Variants in PTPRK observed in about 807,000 individuals in gnomAD.
PTPRK encodes protein tyrosine phosphatase receptor type K.
In PTPRK, 75 loss-of-function variants were observed where a neutral mutation model predicts 178.0. That is an observed-to-expected ratio of 0.42 (90% CI 0.35 to 0.51). The LOEUF is 0.51. PTPRK is among the 20% of genes least tolerant of loss of function. The pLI, the probability that PTPRK is intolerant of heterozygous loss-of-function variation, is 0.02. For synonymous variants in PTPRK, 637 were observed against 620.6 expected (o/e 1.03, Z -0.39); for missense variants, 1,441 against 1,797.8 (o/e 0.80, Z 3.59).
intron 5 of PTPRK, among the ~76,000 whole-genome samples, chr6:128,232,349 T>G (rs544733969): frequency 5.3e-5 from 8 of 152,320 alleles, no homozygotes; most frequent in Non-Finnish European, 1.0e-4. Flanking sequence ...TATACAGACT[T>G]CCCATACACA....
At chr6:128,065,730 A>G (rs1781639798) in intron 12 of PTPRK, among the ~76,000 whole-genome samples, 4 of 152,186 alleles carry the variant, frequency 2.6e-5, no homozygotes, top group Admixed American at 2.6e-4. Context: ...ATTAGTAATT[A>G]AAAATAAAAT....
chr6:128,011,760 T>A (rs1385504232), intron 13 of PTPRK, among the ~76,000 whole-genome samples: 1 of 151,146 alleles, frequency 6.6e-6, no homozygotes, highest in East Asian at 1.9e-4. Flanking sequence ...TGAATTCATG[T>A]AAACATATTT....
At chr6:128,370,789 C>T (rs1394532559) in intron 2 of PTPRK, among the ~76,000 whole-genome samples, 1 of 152,086 alleles carries the variant, frequency 6.6e-6, no homozygotes, top group Admixed American at 6.6e-5. Flanking sequence ...TAAAAGATTC[C>T]CTTCATGATT....
intron 7 of PTPRK, among the ~76,000 whole-genome samples, chr6:128,162,253 G>A (rs920035749): frequency 6.6e-6 from 1 of 151,586 alleles, no homozygotes; most frequent in Non-Finnish European, 1.5e-5. Flanking sequence ...TGCTAAAAAT[G>A]TATGATATAT....
intron 1 of PTPRK, among the ~76,000 whole-genome samples, chr6:128,489,425 G>C (rs1044093285): frequency 2.0e-5 from 3 of 152,124 alleles, no homozygotes; most frequent in African/African-American, 7.2e-5. Flanking sequence ...GCAGATAATG[G>C]CTTGATCCAT....
At chr6:128,451,877 A>G (rs1275127928) in intron 1 of PTPRK, among the ~76,000 whole-genome samples, 1 of 152,202 alleles carries the variant, frequency 6.6e-6, no homozygotes, top group Non-Finnish European at 1.5e-5. Context: ...CTAGCTATCT[A>G]CATTATAGCA....
intron 7 of PTPRK, among the ~76,000 whole-genome samples, chr6:128,134,732 G>A (rs1269494875): frequency 6.6e-6 from 1 of 152,070 alleles, no homozygotes; most frequent in Non-Finnish European, 1.5e-5. Context: ...GAGTGCTTGA[G>A]CCCAAGAGGT....
chr6:128,006,006 A>C, intron 14 of PTPRK: 1 of 1,533,008 alleles, frequency 6.5e-7, no homozygotes, highest in Non-Finnish European at 8.9e-7. Context: ...AAAGTTGTAC[A>C]TCACCCATTT....
At chr6:127,985,911 AT>A in intron 21 of PTPRK, 36 bp from the exon 22 acceptor site, 1 of 1,584,568 alleles carries the variant, frequency 6.3e-7, no homozygotes, top group Non-Finnish European at 8.6e-7. Context: ...TTCAAAAGCC[AT>A]TTTAATGGCC....
chr6:128,310,642 C>G (rs1053785018), intron 3 of PTPRK, among the ~76,000 whole-genome samples: 10 of 152,116 alleles, frequency 6.6e-5, no homozygotes, highest in Non-Finnish European at 1.5e-4. Context: ...AGGCAAGTGG[C>G]ACCGCAAAAA....
chr6:128,150,155 T>C (rs1263548302), intron 7 of PTPRK, among the ~76,000 whole-genome samples: 1 of 152,150 alleles, frequency 6.6e-6, no homozygotes, highest in Non-Finnish European at 1.5e-5. Context: ...CTACAATCAA[T>C]ATAGCAGTAA....
chr6:128,360,989 C>T (rs1834668888), intron 2 of PTPRK, among the ~76,000 whole-genome samples: 1 of 152,086 alleles, frequency 6.6e-6, no homozygotes, highest in Non-Finnish European at 1.5e-5. Flanking sequence ...CCCATTATAG[C>T]TTTCTTACAC....
At position 127,998,836 on chromosome 6, in the gene PTPRK, T is replaced by C; in HGVS notation, c.2563A>G (p.Thr855Ala). The change falls in exon 16 of 30, where the codon ACG becomes GCG. Residue 855 changes from threonine (T) to alanine (A), a missense_variant. Physicochemically the swap from Thr to Ala is moderately conservative, Grantham distance 58. Transcript: ENST00000368226. ...LDVPRYLCEG[T>A]ESPYQTGQLH... is the part of the protein sequence containing the mutation. Reference sequence around the variant, plus strand: ...TGTCCTGTCTGGTAAGGGGATTCCGTCCCCTCACAGAGGTAGCGAGGTACG... The same window carrying C: ...TGTCCTGTCTGGTAAGGGGATTCCGCCCCCTCACAGAGGTAGCGAGGTACG... 3 of 1,609,096 alleles carry C rather than the reference T, an allele frequency of 1.9e-6. No homozygotes were observed. Among genetic ancestry groups the C allele is most frequent in the Non-Finnish European group, 2.5e-6 (3 of 1,176,856 alleles).
intron 7 of PTPRK, among the ~76,000 whole-genome samples, chr6:128,153,035 C>T (rs1294376559): frequency 6.6e-6 from 1 of 151,892 alleles, no homozygotes; most frequent in African/African-American, 2.4e-5. Flanking sequence ...TGTCTTCCAC[C>T]TCTCTACAAC....
intron 5 of PTPRK, among the ~76,000 whole-genome samples, chr6:128,220,492 T>C (rs1440475627): frequency 6.6e-6 from 1 of 152,198 alleles, no homozygotes; most frequent in Non-Finnish European, 1.5e-5. Flanking sequence ...TTCATATTAC[T>C]TGAAATATCA....
intron 11 of PTPRK, among the ~76,000 whole-genome samples, chr6:128,070,129 A>T (rs1782564601): frequency 6.6e-6 from 1 of 152,122 alleles, no homozygotes; most frequent in South Asian, 2.1e-4. Context: ...CTTTAATCTT[A>T]TATATCTTTT....
intron 7 of PTPRK, among the ~76,000 whole-genome samples, chr6:128,109,482 A>G (rs1469971831): frequency 1.3e-5 from 2 of 152,184 alleles, no homozygotes; most frequent in South Asian, 2.1e-4. Flanking sequence ...TGGTTCATCA[A>G]GACTAAAAAT....
At chr6:128,248,818 A>G (rs1016581070) in intron 3 of PTPRK, among the ~76,000 whole-genome samples, 2 of 152,186 alleles carry the variant, frequency 1.3e-5, no homozygotes, top group African/African-American at 4.8e-5. Flanking sequence ...GGGATCAAGG[A>G]AAGGTTCAAC....
intron 2 of PTPRK, among the ~76,000 whole-genome samples, chr6:128,330,046 T>C (rs1830069139): frequency 6.6e-6 from 1 of 152,188 alleles, no homozygotes; most frequent in Non-Finnish European, 1.5e-5. Flanking sequence ...GCAAAACAGC[T>C]AGCTCTTGGC....
Sources: allele counts gnomAD v4.1 joint callset (sites outside exome capture counted in the v4.1 genomes callset), GRCh38; gene constraint gnomAD v4.1.1; transcripts MANE v1.5; gene names NCBI Gene and HGNC (gene_info 2026-07-23, HGNC 2026-07-21).